Variants in CELF1 observed in about 807,000 individuals in gnomAD.
CELF1 encodes CUGBP Elav-like family member 1, also known as 50 kDa nuclear polyadenylated RNA-binding protein.
Under a neutral mutation model 61.8 loss-of-function variants are expected in CELF1, and 10 were observed. The ratio of observed to expected loss-of-function variants is 0.16; its 90% CI spans 0.10 to 0.27. The LOEUF (loss-of-function observed/expected upper bound fraction) is 0.27. Among genes scored for constraint, CELF1 ranks in the 10% least tolerant of loss-of-function variants. CELF1 has a pLI of 1.00. For synonymous variants in CELF1, 236 were observed against 225.1 expected, an observed-to-expected ratio of 1.05 and a Z score of -0.43; for missense variants, 380 against 639.1, an observed-to-expected ratio of 0.59 and a Z score of 4.37.
At position 47,466,625 on chromosome 11, in the gene CELF1, C is replaced by T. The variant is rs2076721405; in HGVS notation, c.*5605G>A. The T allele has an allele frequency of 6.6e-6, 1 of 151,986 alleles. No individual in the cohort carries two copies. The highest frequency in any genetic ancestry group is 2.1e-4 in the South Asian group (1 of 4,828). 9.4% of individuals were successfully genotyped at this position (151,986 alleles called of 1,614,324 possible). A position where few individuals can be genotyped will look rare whatever the true frequency, so the allele number is the denominator to read the frequency against. On this transcript the variant is annotated 3_prime_UTR_variant, in exon 15 of 15. Coordinates refer to ENST00000687097, the MANE Select transcript of CELF1 (RefSeq NM_001376376.1). The stretch of plus-strand genomic sequence containing the variant: ...CTGGAAATCAGAAAGGCAGCTGCCG[C>T]TCCAGGGTCTCAAATCCATTAAAAC...
Position 47,489,648 on chromosome 11 carries a change from A to G in CELF1, c.72-624T>C, listed in dbSNP as rs553748342. Among the ~76,000 whole-genome samples, 17 of 152,340 alleles carry G rather than the reference A, an allele frequency of 1.1e-4. No individual in the cohort carries two copies. In the South Asian group the frequency reaches 3.5e-3, roughly 32 times the overall value. On this transcript the variant is annotated intron_variant, in intron 3 of 14. Coordinates refer to ENST00000687097, the MANE Select transcript of CELF1 (RefSeq NM_001376376.1). ...ATTTCCAGATGATTGTGCGATGAAC[A>G]TAAACAATGTTACCATCATTTTAGA...
chr11:47,490,660 A>AG (rs892867015), intron 3 of CELF1, among the ~76,000 whole-genome samples: 1 of 152,036 alleles, frequency 6.6e-6, no homozygotes, highest in African/African-American at 2.4e-5. Flanking sequence ...TCCTGACCTC[A>AG]GGTGATCTGC....
At chr11:47,524,481 G>A (rs1287266089) in intron 1 of CELF1, 1 of 152,092 alleles carries the variant, frequency 6.6e-6, no homozygotes, top group Non-Finnish European at 1.5e-5. Context: ...ATTTACAATT[G>A]ACAAACCTGA....
intron 1 of CELF1, among the ~76,000 whole-genome samples, chr11:47,505,605 T>C (rs1429090271): frequency 1.4e-5 from 2 of 147,988 alleles, no homozygotes; most frequent in African/African-American, 5.0e-5. Flanking sequence ...ATCGTGCCAC[T>C]GTACTCCAGC....
chr11:47,524,813 G>A (rs1019986829), intron 1 of CELF1: 2 of 152,200 alleles, frequency 1.3e-5, no homozygotes, highest in Non-Finnish European at 2.9e-5. Flanking sequence ...GTTGCTGAAA[G>A]GGGGCCATTA....
chr11:47,539,630 C>T (rs1302816012), intron 1 of CELF1, among the ~76,000 whole-genome samples: 4 of 152,284 alleles, frequency 2.6e-5, no homozygotes, highest in Non-Finnish European at 5.9e-5. Context: ...TGTACTAAGT[C>T]TAACTCAAAG....
intron 1 of CELF1, among the ~76,000 whole-genome samples, chr11:47,503,880 G>T (rs2094211758): frequency 6.6e-6 from 1 of 152,180 alleles, no homozygotes; most frequent in Non-Finnish European, 1.5e-5. Flanking sequence ...TGACGGTTAA[G>T]AATAATTTAC....
chr11:47,481,711 T>C (rs1024507025), intron 9 of CELF1, among the ~76,000 whole-genome samples: 1 of 152,178 alleles, frequency 6.6e-6, no homozygotes, highest in Non-Finnish European at 1.5e-5. Context: ...CCAATTCTTT[T>C]CCATTAATAA....
At chr11:47,481,989 G>T (rs2083520742) in intron 9 of CELF1, among the ~76,000 whole-genome samples, 1 of 152,164 alleles carries the variant, frequency 6.6e-6, no homozygotes, top group Non-Finnish European at 1.5e-5. Flanking sequence ...GATCACCTGA[G>T]GTCGTGAGTT....
intron 1 of CELF1, among the ~76,000 whole-genome samples, chr11:47,527,383 A>G (rs764582895): frequency 4.6e-5 from 7 of 152,048 alleles, no homozygotes; most frequent in Admixed American, 2.0e-4. Flanking sequence ...AAAGTGAGAC[A>G]CTGCCTCAAA....
chr11:47,497,208 A>G (rs1178566086), intron 3 of CELF1, among the ~76,000 whole-genome samples: 2 of 152,238 alleles, frequency 1.3e-5, no homozygotes, highest in Non-Finnish European at 2.9e-5. Context: ...AAAGTCTTAG[A>G]CCTCAGAAGA....
At chr11:47,558,594 T>TTA in intron 2 of CELF1, among the ~76,000 whole-genome samples, 1 of 105,746 alleles carries the variant, frequency 9.5e-6, no homozygotes, top group African/African-American at 3.8e-5. Context: ...TATATTTATA[T>TTA]TATATATGTA....
rs1317833169 is a variant in CELF1 at position 47,471,039 on chromosome 11, A to C, written c.*1191T>G. 1 of 152,240 alleles carries C rather than the reference A, an allele frequency of 6.6e-6. No individual in the cohort carries two copies. The highest frequency in any genetic ancestry group is 1.5e-5 in the Non-Finnish European group (1 of 68,056). 9.4% of individuals were successfully genotyped at this position (152,240 alleles called of 1,614,324 possible). On this transcript the variant is annotated 3_prime_UTR_variant, in exon 15 of 15. Coordinates refer to ENST00000687097, the MANE Select transcript of CELF1 (RefSeq NM_001376376.1). ...AGCAGAAAATGTGACTGGAGTGGTT[A>C]CAGGAGGGGCCTGCCAGACCCCTGT...
intron 1 of CELF1, among the ~76,000 whole-genome samples, chr11:47,521,495 T>G (rs2095882098): frequency 6.6e-6 from 1 of 152,248 alleles, no homozygotes; most frequent in South Asian, 2.1e-4. Context: ...ATCCCAGTTT[T>G]GCTGCTTACT....
chr11:47,518,551 G>A (rs1453674508), intron 1 of CELF1, among the ~76,000 whole-genome samples: 10 of 152,234 alleles, frequency 6.6e-5, no homozygotes. Flanking sequence ...GAAGGCTCTA[G>A]AGAACAGAAG....
At chr11:47,484,764 C>T (rs1207416027) in intron 6 of CELF1, among the ~76,000 whole-genome samples, 2 of 152,182 alleles carry the variant, frequency 1.3e-5, no homozygotes, top group African/African-American at 4.8e-5. Flanking sequence ...CCGCAAGCTC[C>T]GCCTCCCGGA....
intron 1 of CELF1, among the ~76,000 whole-genome samples, chr11:47,532,085 C>G (rs2096495071): frequency 6.6e-6 from 1 of 151,552 alleles, no homozygotes. Context: ...GGCTGGAGTG[C>G]AGTGGCGCAA....
At chr11:47,489,475 T>G (rs1467629974) in intron 3 of CELF1, among the ~76,000 whole-genome samples, 1 of 152,234 alleles carries the variant, frequency 6.6e-6, no homozygotes, top group African/African-American at 2.4e-5. Context: ...CAGGTGAAGT[T>G]TCCTTTCAGT....
At chr11:47,551,948 G>A (rs2097148337) in intron 1 of CELF1, among the ~76,000 whole-genome samples, 1 of 151,668 alleles carries the variant, frequency 6.6e-6, no homozygotes, top group Non-Finnish European at 1.5e-5. Context: ...AACCTGGGGA[G>A]GTTGCAGTGA....
Sources: gnomAD v4.1 joint callset for allele counts (sites outside exome capture counted in the v4.1 genomes callset) on GRCh38, gnomAD v4.1.1 for gene constraint, MANE v1.5 for transcripts, NCBI Gene and HGNC (gene_info 2026-07-23, HGNC 2026-07-21) for gene names.